The following CDH11 variants were observed in gnomAD, a reference collection of about 807,000 sequenced individuals.
CDH11 encodes cadherin-11.
Under a neutral mutation model 67.8 loss-of-function variants are expected in CDH11, and 11 were observed. The observed-to-expected ratio is 0.16, with a 90% CI of 0.10 to 0.27. The LOEUF is 0.27. Ranked by LOEUF, CDH11 falls within the 10% of genes least tolerant of loss-of-function variation. CDH11 has a pLI of 1.00. For synonymous variants in CDH11, 419 were observed against 400.0 expected (o/e 1.05, Z -0.57); for missense variants, 847 against 1,031.2 (o/e 0.82, Z 2.45).
chr16:65,076,114 G>T (rs2142783479), intron 1 of CDH11, among the ~76,000 whole-genome samples: 1 of 152,294 alleles, frequency 6.6e-6, no homozygotes, highest in African/African-American at 2.4e-5. Flanking sequence ...TTGCCAACAA[G>T]CCAGCTCCCT....
At chr16:64,997,367 T>C (rs1355321666) in intron 4 of CDH11, among the ~76,000 whole-genome samples, 2 of 140,662 alleles carry the variant, frequency 1.4e-5, no homozygotes, top group Admixed American at 7.2e-5. Context: ...CCCCTGAATC[T>C]AAAATAAAAG....
upstream of CDH11, chr16:65,122,184 C>G (rs1220648578): frequency 1.8e-6 from 1 of 547,496 alleles, no homozygotes; most frequent in Non-Finnish European, 3.2e-6. Flanking sequence ...AAGGAAAGGG[C>G]GGGGGCTGAG....
chr16:65,068,253 ATAAAG>A (rs1218005629), intron 1 of CDH11, among the ~76,000 whole-genome samples: 1 of 151,876 alleles, frequency 6.6e-6, no homozygotes, highest in Non-Finnish European at 1.5e-5. Flanking sequence ...AAACTGCAAG[ATAAAG>A]TAATCAGGTG....
rs369271674 is a variant in CDH11, at chr16:64,973,013, G to C, written c.1281C>G (p.Leu427=). The C allele has an allele frequency of 3.1e-6, 5 of 1,613,474 alleles. No homozygotes were observed. The highest frequency in any genetic ancestry group is 4.2e-6 in the Non-Finnish European group (5 of 1,179,806). Residue 427 remains leucine (L), a synonymous_variant, in exon 9 of 13, where the codon CTC becomes CTG. Transcript: ENST00000268603. Reference sequence around the variant, plus strand: ...CTGGATTAATAGTGAAAAATCTGTCGAGGTCAGTGTGACGATCGATGGAAT... The same window carrying C: ...CTGGATTAATAGTGAAAAATCTGTCCAGGTCAGTGTGACGATCGATGGAAT... ...IRYSIDRHTD[L]DRFFTINPED...
chr16:65,071,922 C>T (rs2074423770), intron 1 of CDH11: 1 of 152,106 alleles, frequency 6.6e-6, no homozygotes. Context: ...AAAGCCAATC[C>T]CCTTTGCTGG....
chr16:64,975,747 C>T (rs1234274070), intron 8 of CDH11, among the ~76,000 whole-genome samples: 2 of 151,954 alleles, frequency 1.3e-5, no homozygotes, highest in Non-Finnish European at 2.9e-5. Flanking sequence ...GTTGATTTTC[C>T]TTTGGATATA....
At chr16:65,087,076 C>T (rs191061391) in intron 1 of CDH11, among the ~76,000 whole-genome samples, 16 of 152,226 alleles carry the variant, frequency 1.1e-4, no homozygotes, top group African/African-American at 3.6e-4. Flanking sequence ...TCTTTTGATA[C>T]AGAGCAGACT....
intron 3 of CDH11, among the ~76,000 whole-genome samples, chr16:65,002,449 ATC>A (rs2072941491): frequency 6.6e-6 from 1 of 152,158 alleles, no homozygotes; most frequent in African/African-American, 2.4e-5. Flanking sequence ...CATGGCTGAA[ATC>A]TCTTTTTCCT....
intron 11 of CDH11, among the ~76,000 whole-genome samples, chr16:64,967,615 A>T (rs1212241431): frequency 1.3e-5 from 2 of 152,210 alleles, no homozygotes; most frequent in African/African-American, 4.8e-5. Flanking sequence ...GAAAATATTG[A>T]CATACATATA....
chr16:65,080,172 C>T (rs888180109), intron 1 of CDH11, among the ~76,000 whole-genome samples: 1 of 151,826 alleles, frequency 6.6e-6, no homozygotes, highest in African/African-American at 2.4e-5. Flanking sequence ...GGAGCTCTGC[C>T]TCTAACAGCT....
At chr16:64,996,003 A>G (rs1174657645) in intron 4 of CDH11, among the ~76,000 whole-genome samples, 1 of 152,252 alleles carries the variant, frequency 6.6e-6, no homozygotes, top group African/African-American at 2.4e-5. Flanking sequence ...GGTCGTCATT[A>G]AACATCAGAG....
In CDH11 at chr16:65,074,027, G is replaced by A. The variant is rs574005657; in HGVS notation, c.-297-20099C>T. On this transcript the variant is annotated intron_variant, in intron 1 of 12. Coordinates refer to ENST00000268603, the MANE Select transcript of CDH11 (RefSeq NM_001797.4). ...TATTCATGGCTGTTGCTAAAGCTGT[G>A]GCTAAGTCCTTGGACCCAGAGGCGG... 3.3e-5 allele frequency among the ~76,000 whole-genome samples: 5 copies of A among 152,256 alleles called. No individual in the cohort carries two copies. In the South Asian group the frequency reaches 8.3e-4, roughly 25 times the overall value.
intron 1 of CDH11, among the ~76,000 whole-genome samples, chr16:65,107,507 C>T (rs1347930402): frequency 6.6e-6 from 1 of 152,180 alleles, no homozygotes; most frequent in Non-Finnish European, 1.5e-5. Flanking sequence ...CCTGTTTAAA[C>T]TTTCTGTCTC....
At chr16:64,956,004 A>G (rs2071499189) in intron 11 of CDH11, among the ~76,000 whole-genome samples, 1 of 152,204 alleles carries the variant, frequency 6.6e-6, no homozygotes, top group Non-Finnish European at 1.5e-5. Flanking sequence ...TTTCCAGGAA[A>G]GTGTCAGATT....
chr16:65,068,449 A>G (rs2074358508), intron 1 of CDH11, among the ~76,000 whole-genome samples: 3 of 149,928 alleles, frequency 2.0e-5, no homozygotes, highest in Non-Finnish European at 4.4e-5. Context: ...AGAGGGAGAG[A>G]GATGATGACA....
intron 1 of CDH11, among the ~76,000 whole-genome samples, chr16:65,076,042 T>A (rs1325972088): frequency 6.6e-6 from 1 of 152,164 alleles, no homozygotes. Flanking sequence ...GCTCTGCCTG[T>A]GGGAGGGGCT....
At position 64,951,205 on chromosome 16, in the gene CDH11, A is replaced by G. The variant is rs866574164; in HGVS notation, c.1643-187T>C. 2.0e-5 allele frequency among the ~76,000 whole-genome samples: 3 copies of G among 152,216 alleles called. No homozygotes were observed. In the South Asian group the frequency reaches 6.2e-4, roughly 31 times the overall value. ...GTTTGGCATGATCACGAAACAAGCT[A>G]TCTGCATTTTGGAATAAATCTCAGA... is the stretch of plus-strand genomic sequence containing the variant. On this transcript the variant is annotated intron_variant, in intron 11 of 12. Coordinates refer to ENST00000268603, the MANE Select transcript of CDH11 (RefSeq NM_001797.4).
rs537716189 is a variant in CDH11, at chr16:65,040,225, A to G, written c.-173+13579T>C. ...ACTGGGTATATACCCAAAGGATTAT[A>G]AAACATGCTTCTATAAAGACACATG... On this transcript the variant is annotated intron_variant, in intron 2 of 12. Coordinates refer to ENST00000268603, the MANE Select transcript of CDH11 (RefSeq NM_001797.4). Among the ~76,000 whole-genome samples the G allele has an allele frequency of 4.6e-5, 7 of 152,350 alleles. No homozygotes were observed. The South Asian group carries it at 1.0e-3, about 23-fold the overall frequency.
chr16:65,025,243 A>T (rs2073508730), intron 2 of CDH11, among the ~76,000 whole-genome samples: 1 of 152,224 alleles, frequency 6.6e-6, no homozygotes, highest in Admixed American at 6.5e-5. Context: ...CAAATGGGGA[A>T]ACCCTTTGTA....
Sources: allele counts gnomAD v4.1 joint callset (sites outside exome capture counted in the v4.1 genomes callset), GRCh38; gene constraint gnomAD v4.1.1; transcripts MANE v1.5; gene names NCBI Gene and HGNC (gene_info 2026-07-23, HGNC 2026-07-21).